CTNND2: variants seen among roughly 807,000 people sequenced by gnomAD.
CTNND2 encodes catenin delta 2.
A neutral mutation model predicts 144.4 loss-of-function variants in CTNND2; 22 were observed. That is an observed-to-expected ratio of 0.15 (90% confidence interval 0.11 to 0.22). The LOEUF (loss-of-function observed/expected upper bound fraction) is 0.22. Among genes scored for constraint, CTNND2 ranks in the 10% least tolerant of loss-of-function variants. CTNND2 has a pLI of 1.00. For synonymous variants in CTNND2, 751 were observed against 695.6 expected (o/e 1.08, Z -1.25); for missense variants, 1,353 against 1,618.8 (o/e 0.84, Z 2.82).
chr5:11,213,354 T>C (rs1316713054), intron 10 of CTNND2, among the ~76,000 whole-genome samples: 3 of 152,140 alleles, frequency 2.0e-5, no homozygotes, highest in African/African-American at 7.2e-5. Context: ...ATTTGACCAC[T>C]ATGACCCGCT....
At chr5:11,768,406 C>T (rs544958282) in intron 1 of CTNND2, among the ~76,000 whole-genome samples, 1 of 152,310 alleles carries the variant, frequency 6.6e-6, no homozygotes, top group African/African-American at 2.4e-5. Flanking sequence ...TCTCCTGCCT[C>T]AGCCTCCCCA....
rs1747222728 is a variant in CTNND2 at position 11,282,229 on chromosome 5, C to T, written c.1629-45406G>A. ...ATGCTGTTGGGTATTGGAAAAAAAG[C>T]AATTCATGCTTCTCGTCTGACATTT... is the stretch of plus-strand genomic sequence containing the variant. On this transcript the variant is annotated intron_variant, in intron 9 of 21. Transcript: ENST00000304623. 2.0e-5 allele frequency among the ~76,000 whole-genome samples: 3 copies of T among 152,252 alleles called. No individual in the cohort carries two copies. In the South Asian group the frequency reaches 6.2e-4, roughly 32 times the overall value.
chr5:11,123,515 T>C (rs994857097), intron 12 of CTNND2, among the ~76,000 whole-genome samples: 1 of 152,162 alleles, frequency 6.6e-6, no homozygotes, highest in Non-Finnish European at 1.5e-5. Flanking sequence ...ACACCAACTG[T>C]TTCGAGGCTG....
intron 8 of CTNND2, among the ~76,000 whole-genome samples, chr5:11,355,360 T>A (rs572596509): frequency 2.6e-5 from 4 of 152,208 alleles, no homozygotes; most frequent in East Asian, 3.9e-4. Flanking sequence ...ATTTAATACA[T>A]GTAAATAAAT....
intron 2 of CTNND2, among the ~76,000 whole-genome samples, chr5:11,663,277 T>C (rs139299493): frequency 1.3e-5 from 2 of 152,188 alleles, no homozygotes; most frequent in African/African-American, 2.4e-5. Context: ...ATTAGATTGA[T>C]CTATATTAAA....
chr5:11,058,573 C>T lies in CTNND2; in HGVS notation c.2788+24123G>A, dbSNP rs577590138. Among the ~76,000 whole-genome samples the T allele has an allele frequency of 1.8e-4, 27 of 152,308 alleles. No individual in the cohort carries two copies. The South Asian group carries it at 4.1e-3, about 23-fold the overall frequency. On this transcript the variant is annotated intron_variant, in intron 16 of 21. Coordinates refer to ENST00000304623, the MANE Select transcript of CTNND2 (RefSeq NM_001332.4). ...AGGGTCCTCATGGAGAACCTCTGCTCGGGCAGTGCGAAGGGAAATGTGGGA... is the reference window on the plus strand; with the variant it reads ...AGGGTCCTCATGGAGAACCTCTGCTTGGGCAGTGCGAAGGGAAATGTGGGA...
Position 11,159,715 on chromosome 5 carries a change from T to C in CTNND2, c.2020A>G (p.Ile674Val), listed in dbSNP as rs773212975. The C allele has an allele frequency of 9.9e-6, 16 of 1,608,074 alleles. No homozygotes were observed. Among genetic ancestry groups the C allele is most frequent in the Middle Eastern group, 1.7e-4 (1 of 6,048 alleles). ...AGTACTGCTAGGGCATCCTGGATGA[T>C]TGGCATTTTGAGTGCATCGCATGAG... The part of the protein sequence containing the change: ...LSSCDALKMP[I>V]IQDALAVLTN... Residue 674 changes from isoleucine (I) to valine (V), a missense_variant, in exon 12 of 22, where the codon ATC becomes GTC. Physicochemically the swap from Ile to Val is conservative, Grantham distance 29. Coordinates refer to ENST00000304623, the MANE Select transcript of CTNND2 (RefSeq NM_001332.4).
chr5:11,719,110 T>A (rs1018356097), intron 2 of CTNND2, among the ~76,000 whole-genome samples: 35 of 152,202 alleles, frequency 2.3e-4, no homozygotes, highest in African/African-American at 8.2e-4. Flanking sequence ...ATAATTAAAA[T>A]CAGTTTCAGA....
chr5:11,292,826 C>T (rs1004176126), intron 9 of CTNND2, among the ~76,000 whole-genome samples: 1 of 152,138 alleles, frequency 6.6e-6, no homozygotes, highest in Admixed American at 6.5e-5. Context: ...CCAGGAACTG[C>T]CATAAGCCAG....
At chr5:11,257,561 CA>C (rs1401028665) in intron 9 of CTNND2, among the ~76,000 whole-genome samples, 1 of 152,178 alleles carries the variant, frequency 6.6e-6, no homozygotes, top group Non-Finnish European at 1.5e-5. Flanking sequence ...CTTATAAAAC[CA>C]TCAGATCTCC....
rs781446832 is a variant in CTNND2 at position 11,397,012 on chromosome 5, T to C, written c.612+19A>G. 30 of 1,609,958 alleles carry C rather than the reference T, an allele frequency of 1.9e-5. No homozygotes were observed. The South Asian group carries it at 3.1e-4, about 17-fold the overall frequency. On this transcript the variant is annotated intron_variant, in intron 6 of 21. Transcript: ENST00000304623. ...GTCCCCTTGGAGTCCACTGACACCA[T>C]ACAGCACTGGGTACCTACCTGGCTG...
chr5:11,482,817 A>G (rs2149978657), intron 3 of CTNND2, among the ~76,000 whole-genome samples: 2 of 152,306 alleles, frequency 1.3e-5, no homozygotes, highest in Middle Eastern at 6.8e-3. Context: ...ATTCAGTATC[A>G]GCAAGGAGAC....
At chr5:11,862,918 G>A (rs1795568471) in intron 1 of CTNND2, among the ~76,000 whole-genome samples, 1 of 152,066 alleles carries the variant, frequency 6.6e-6, no homozygotes, top group Non-Finnish European at 1.5e-5. Context: ...ACAGTTTTCT[G>A]TATCCCATTC....
intron 1 of CTNND2, among the ~76,000 whole-genome samples, chr5:11,827,356 G>A (rs569780455): frequency 4.5e-4 from 69 of 152,148 alleles, no homozygotes; most frequent in African/African-American, 1.6e-3. Context: ...TAAATCCTTC[G>A]GTAAGAAAGC....
At chr5:11,130,294 A>G (rs1580372450) in intron 12 of CTNND2, among the ~76,000 whole-genome samples, 1 of 152,222 alleles carries the variant, frequency 6.6e-6, no homozygotes. Flanking sequence ...AAGCCATCAG[A>G]AAGGGACGGA....
chr5:11,216,158 G>T (rs1489820539), intron 10 of CTNND2, among the ~76,000 whole-genome samples: 2 of 152,164 alleles, frequency 1.3e-5, no homozygotes, highest in African/African-American at 4.8e-5. Flanking sequence ...GCTGTGCAGG[G>T]TTCCTCTAAG....
intron 12 of CTNND2, among the ~76,000 whole-genome samples, chr5:11,121,191 G>C (rs374319057): frequency 2.0e-5 from 3 of 152,160 alleles, no homozygotes; most frequent in African/African-American, 7.2e-5. Context: ...AACTTAACAA[G>C]ATGTTTCACT....
intron 2 of CTNND2, among the ~76,000 whole-genome samples, chr5:11,693,548 C>T (rs1581731043): frequency 6.6e-6 from 1 of 152,186 alleles, no homozygotes; most frequent in African/African-American, 2.4e-5. Flanking sequence ...ACATGGCACA[C>T]ATAAAATGCC....
At chr5:11,237,015 T>C (rs951936946) in intron 9 of CTNND2, among the ~76,000 whole-genome samples, 192 bp from the exon 10 acceptor site, 3 of 151,888 alleles carry the variant, frequency 2.0e-5, no homozygotes, top group Non-Finnish European at 4.4e-5. Context: ...ATAGTTTTCT[T>C]TCTTTTCTTT....
Sources: gnomAD v4.1 joint callset for allele counts (sites outside exome capture counted in the v4.1 genomes callset) on GRCh38, gnomAD v4.1.1 for gene constraint, MANE v1.5 for transcripts, NCBI Gene and HGNC (gene_info 2026-07-23, HGNC 2026-07-21) for gene names.